Variants in CYP2F1 observed in about 807,000 individuals in gnomAD.
CYP2F1 encodes the protein cytochrome P450 family 2 subfamily F member 1, also known as cytochrome P450 2F1.
In CYP2F1, 33 loss-of-function variants were observed where a neutral mutation model predicts 40.4. That is an observed-to-expected ratio of 0.82 (90% confidence interval 0.62 to 1.09). The LOEUF (loss-of-function observed/expected upper bound fraction) is 1.09, where lower values mean the gene tolerates loss of function less well. CYP2F1 is among the 50% of genes least tolerant of loss of function. CYP2F1 has a pLI of 0.00. For missense variants in CYP2F1, 566 were observed against 655.7 expected, an observed-to-expected ratio of 0.86 and a Z score of 1.49; for synonymous variants, 235 against 277.2, an observed-to-expected ratio of 0.85 and a Z score of 1.51.
At chr19:41,122,515 T>TAC (rs1189813253) in intron 6 of CYP2F1, among the ~76,000 whole-genome samples, 2 of 151,178 alleles carry the variant, frequency 1.3e-5, no homozygotes, top group Non-Finnish European at 2.9e-5. Flanking sequence ...CATACATACA[T>TAC]ACACACACAC....
rs770227087 is a variant in CYP2F1 at position 41,122,056 on chromosome 19, G to A, written c.745G>A (p.Val249Ile). ...CCTGAGAGACCTCATCGCCCACAGC[G>A]TCCACGACCACCAGGCCTCGCTAGA... ...KCLRDLIAHS[V>I]HDHQASLDPR... Residue 249 changes from valine (V) to isoleucine (I), a missense_variant, in exon 6 of 10, where the codon GTC (valine) becomes ATC (isoleucine). Val to Ile is a conservative substitution (Grantham distance 29, BLOSUM62 3). Around this residue, in one of 5 missense-constraint regions of CYP2F1, gnomAD observed 62 missense variants for 105.6 expected, o/e 0.59. Transcript: ENST00000331105. 30 of 1,611,126 alleles carry A rather than the reference G, an allele frequency of 1.9e-5. No homozygotes were observed. Among genetic ancestry groups the A allele is most frequent in the Middle Eastern group, 3.3e-4 (2 of 6,054 alleles).
At chr19:41,120,600 A>C in intron 4 of CYP2F1, 104 bp downstream of exon 4, 1 of 1,259,714 alleles carries the variant, frequency 7.9e-7, no homozygotes, top group Non-Finnish European at 1.1e-6. Context: ...TCCCACCTCA[A>C]CCTCCCGAAT....
intron 9 of CYP2F1, among the ~76,000 whole-genome samples, chr19:41,127,554 A>T (rs3901000): frequency 0.04 from 6,051 of 152,152 alleles, 168 homozygotes; most frequent in Admixed American, 0.085. Flanking sequence ...GGCTGCTCTC[A>T]AACTCCTGGG....
Position 41,120,361 on chromosome 19 carries a change from A to G in CYP2F1, c.349A>G (p.Ser117Gly). The change falls in exon 4 of 10, where the codon AGT (serine) becomes GGT (glycine). Residue 117 changes from serine (S) to glycine (G), a missense_variant. This residue lies in a region of CYP2F1 where 264 missense variants were observed against 275.7 expected (regional missense o/e 0.96). Coordinates refer to ENST00000331105, the MANE Select transcript of CYP2F1 (RefSeq NM_000774.5). ...FTKGNGIAFS[S>G]GDRWKVLRQF... is the part of the protein sequence containing the mutation. ...CTTCTCCCCAGGCATCGCCTTCTCC[A>G]GTGGGGATCGATGGAAGGTCCTGAG... 6.2e-7 allele frequency: 1 copy of G among 1,607,714 alleles called. No homozygotes were observed.
intron 3 of CYP2F1, among the ~76,000 whole-genome samples, chr19:41,118,801 T>C (rs112021743): frequency 1.3e-5 from 2 of 152,322 alleles, no homozygotes; most frequent in African/African-American, 2.4e-5. Flanking sequence ...AAAATTATAA[T>C]AGCATTAACT....
chr19:41,114,739 G>T (rs994489590), intron 1 of CYP2F1, among the ~76,000 whole-genome samples: 7 of 150,068 alleles, frequency 4.7e-5, no homozygotes, highest in Admixed American at 4.0e-4. Flanking sequence ...CACTGTTTCT[G>T]CCTGTGCCCT....
intron 9 of CYP2F1, among the ~76,000 whole-genome samples, chr19:41,127,122 T>C (rs1473084520): frequency 2.6e-5 from 4 of 152,224 alleles, no homozygotes; most frequent in Non-Finnish European, 5.9e-5. Context: ...ACCCCCTAGC[T>C]GTGTTGCCTT....
At chr19:41,123,990 C>T (rs305976) in intron 7 of CYP2F1, among the ~76,000 whole-genome samples, 3,877 of 152,126 alleles carry the variant, frequency 0.025, 155 homozygotes, top group African/African-American at 0.088. Flanking sequence ...TCCACCTCCC[C>T]AAGCTCCATC....
Position 41,121,568 on chromosome 19 carries a change from A to G in CYP2F1, c.595A>G (p.Ile199Val), listed in dbSNP as rs781239342. Residue 199 changes from isoleucine to valine, a missense_variant, in exon 5 of 10, where the codon ATC becomes GTC. Ile to Val is a conservative substitution (Grantham distance 29). Transcript: ENST00000331105. ...DYDDERLLTIIRLINDNFQIM... is the reference protein window; with the variant it reads ...DYDDERLLTIVRLINDNFQIM... ...TGATGATGAGCGTCTGCTCACCATT[A>G]TCCGCCTTATCAATGACAACTTCCA... The G allele has an allele frequency of 1.2e-6, 2 of 1,610,246 alleles. No homozygotes were observed. The highest frequency in any genetic ancestry group is 1.7e-6 in the Non-Finnish European group (2 of 1,179,744).
chr19:41,114,927 G>A (rs188917100), intron 1 of CYP2F1, among the ~76,000 whole-genome samples: 36 of 150,424 alleles, frequency 2.4e-4, no homozygotes, highest in Non-Finnish European at 4.6e-4. Context: ...CTAACACCAC[G>A]CCTGACTAAT....
intron 4 of CYP2F1, among the ~76,000 whole-genome samples, chr19:41,120,857 G>C (rs1599675940): frequency 6.6e-6 from 1 of 150,398 alleles, no homozygotes; most frequent in Admixed American, 6.6e-5. Flanking sequence ...GTCTCGCTCT[G>C]TCCCCCAGGC....
chr19:41,128,041 A>T lies in CYP2F1; in HGVS notation c.1435A>T (p.Asn479Tyr), dbSNP rs79238130. Residue 479 changes from asparagine to tyrosine, a missense_variant, in exon 10 of 10, where the codon AAT (asparagine) becomes TAT (tyrosine). Asn to Tyr is a moderately radical substitution (Grantham distance 143). Coordinates refer to ENST00000331105, the MANE Select transcript of CYP2F1 (RefSeq NM_000774.5). ...DLTPLSSGLG[N>Y]LPRPFQLCLR... Reference sequence around the variant, plus strand: ...GACCCCACTCAGCTCAGGTCTTGGCAATTTGCCGCGGCCTTTCCAGCTGTG... The same window carrying T: ...GACCCCACTCAGCTCAGGTCTTGGCTATTTGCCGCGGCCTTTCCAGCTGTG... 2.3e-5 allele frequency: 37 copies of T among 1,610,628 alleles called. No homozygotes were observed. The highest frequency in any genetic ancestry group is 3.1e-5 in the Non-Finnish European group (37 of 1,178,880).
chr19:41,119,723 C>CTCTCTATATATA (rs1478574507), intron 3 of CYP2F1, among the ~76,000 whole-genome samples: 3 of 35,808 alleles, frequency 8.4e-5, no homozygotes, highest in Non-Finnish European at 1.6e-4. Flanking sequence ...CTCTCTCTCT[C>CTCTCTATATATA]TATATATATA....
At chr19:41,117,550 A>G (rs1278191896) in intron 3 of CYP2F1, among the ~76,000 whole-genome samples, 1 of 151,964 alleles carries the variant, frequency 6.6e-6, no homozygotes, top group East Asian at 1.9e-4. Context: ...ACCATCACCA[A>G]AACAACCCCA....
intron 3 of CYP2F1, among the ~76,000 whole-genome samples, chr19:41,116,858 C>G (rs1368607471): frequency 6.6e-6 from 1 of 152,104 alleles, no homozygotes; most frequent in African/African-American, 2.4e-5. Context: ...TCCATCCAAC[C>G]CCAACCCCAT....
chr19:41,119,723 C>CTATATATATATATATATA (rs1290627675), intron 3 of CYP2F1, among the ~76,000 whole-genome samples: 7 of 35,820 alleles, frequency 2.0e-4, no homozygotes, highest in Non-Finnish European at 3.1e-4. Flanking sequence ...CTCTCTCTCT[C>CTATATATATATATATATA]TATATATATA....
Position 41,124,840 on chromosome 19 carries a change from C to T in CYP2F1, c.1086C>T (p.Ile362=), listed in dbSNP as rs747567361. The stretch of plus-strand genomic sequence containing the variant: ...ACGAGGTGCAGCGCTTTGCAGACAT[C>T]ATCCCCATGAACTTGCCGCACCGCG... ...VIHEVQRFAD[I]IPMNLPHRVT... Residue 362 remains isoleucine, a synonymous_variant, in exon 8 of 10, where the codon ATC becomes ATT. Transcript: ENST00000331105. 4 of 1,611,640 alleles carry T rather than the reference C, an allele frequency of 2.5e-6. No homozygotes were observed. The African/African-American group carries it at 4.0e-5, about 16-fold the overall frequency.
chr19:41,118,654 G>A (rs58439149), intron 3 of CYP2F1, among the ~76,000 whole-genome samples: 1,587 of 152,230 alleles, frequency 0.01, 29 homozygotes, highest in African/African-American at 0.036. Context: ...TGGGTACATC[G>A]TTTGTTACCA....
chr19:41,118,073 T>G (rs933683894), intron 3 of CYP2F1, among the ~76,000 whole-genome samples: 1 of 151,982 alleles, frequency 6.6e-6, no homozygotes, highest in Non-Finnish European at 1.5e-5. Context: ...TGGTCTTGAA[T>G]GCCTGACCTC....
Sources: gnomAD v4.1 joint callset for allele counts (sites outside exome capture counted in the v4.1 genomes callset) on GRCh38, gnomAD v4.1.1 for gene constraint, gnomAD v4.1.1 regional missense constraint, MANE v1.5 for transcripts, NCBI Gene and HGNC (gene_info 2026-07-23, HGNC 2026-07-21) for gene names.